The following LINGO1 variants were observed in gnomAD, a reference collection of about 807,000 sequenced individuals.
LINGO1 encodes leucine rich repeat and Ig domain containing 1, also known as leucine-rich repeat and immunoglobulin-like domain-containing nogo receptor-interacting protein 1.
In LINGO1, 11 loss-of-function variants were observed where a neutral mutation model predicts 37.3. The ratio of observed to expected loss-of-function variants is 0.29; its 90% CI spans 0.19 to 0.49. The LOEUF is 0.49. Among genes scored for constraint, LINGO1 ranks in the 20% least tolerant of loss-of-function variants. LINGO1 has a pLI of 0.99. For synonymous variants in LINGO1, 387 were observed against 403.0 expected (o/e 0.96, Z 0.48); for missense variants, 585 against 878.2 (o/e 0.67, Z 4.22).
At chr15:77,778,487 C>G (rs1283231586) in intron 1 of LINGO1, among the ~76,000 whole-genome samples, 3 of 152,212 alleles carry the variant, frequency 2.0e-5, no homozygotes, top group African/African-American at 4.8e-5. Flanking sequence ...TTCACATGAC[C>G]ACAGCTGAGT....
intron 1 of LINGO1, among the ~76,000 whole-genome samples, chr15:77,798,951 G>C (rs1488107631): frequency 2.6e-5 from 4 of 151,548 alleles, no homozygotes; most frequent in African/African-American, 9.7e-5. Flanking sequence ...GCCCTGGTAT[G>C]TGTGCTGTGT....
At chr15:77,741,090 G>T (rs1290978646) in intron 1 of LINGO1, among the ~76,000 whole-genome samples, 2 of 152,216 alleles carry the variant, frequency 1.3e-5, no homozygotes, top group Non-Finnish European at 2.9e-5. Flanking sequence ...GGAGCCTGGA[G>T]AAGCCCAAAC....
intron 1 of LINGO1, among the ~76,000 whole-genome samples, chr15:77,630,317 G>T (rs1359005869): frequency 6.6e-6 from 1 of 152,106 alleles, no homozygotes; most frequent in African/African-American, 2.4e-5. Flanking sequence ...TGCTTCTCCA[G>T]ATATCTGCGG....
chr15:77,702,022 G>A (rs570216481), intron 2 of LINGO1, among the ~76,000 whole-genome samples: 1 of 152,206 alleles, frequency 6.6e-6, no homozygotes, highest in Non-Finnish European at 1.5e-5. Context: ...GGCTAGTAGA[G>A]GGTGTCAGGG....
intron 3 of LINGO1, among the ~76,000 whole-genome samples, chr15:77,668,544 T>C (rs1318556384): frequency 6.6e-6 from 1 of 152,124 alleles, no homozygotes; most frequent in Non-Finnish European, 1.5e-5. Context: ...AGGGGCCCAG[T>C]TGAGAAGCCC....
chr15:77,788,918 G>A (rs2076796848), upstream of LINGO1, among the ~76,000 whole-genome samples: 1 of 152,296 alleles, frequency 6.6e-6, no homozygotes, highest in Non-Finnish European at 1.5e-5. Context: ...TACACACCAT[G>A]TACCATGTTC....
chr15:77,648,005 T>C, intron 3 of LINGO1: 1 of 447,494 alleles, frequency 2.2e-6, no homozygotes, highest in Non-Finnish European at 4.5e-6. Context: ...TCCCTCTCTC[T>C]GGGCTTTGTC....
At chr15:77,736,896 T>G (rs999132268) in intron 1 of LINGO1, among the ~76,000 whole-genome samples, 6 of 152,310 alleles carry the variant, frequency 3.9e-5, no homozygotes, top group African/African-American at 1.4e-4. Flanking sequence ...GAGCCAAAGT[T>G]TGGATCTGGG....
chr15:77,675,600 T>C (rs1282339533), intron 3 of LINGO1, among the ~76,000 whole-genome samples: 4 of 152,140 alleles, frequency 2.6e-5, no homozygotes, highest in Admixed American at 2.6e-4. Context: ...GAAGGGGACA[T>C]ATCAAACGAG....
chr15:77,728,053 C>T (rs2076120022), intron 2 of LINGO1, among the ~76,000 whole-genome samples: 1 of 152,214 alleles, frequency 6.6e-6, no homozygotes, highest in African/African-American at 2.4e-5. Flanking sequence ...GGAGTCCCCT[C>T]TTACCAGGCC....
chr15:77,770,519 G>A (rs772814397), intron 1 of LINGO1, among the ~76,000 whole-genome samples: 34 of 151,212 alleles, frequency 2.2e-4, no homozygotes, highest in African/African-American at 4.6e-4. Flanking sequence ...CCCAGGAGGT[G>A]GAGGTTGCAG....
intron 1 of LINGO1, among the ~76,000 whole-genome samples, chr15:77,736,614 A>C (rs568148559): frequency 6.6e-6 from 1 of 152,128 alleles, no homozygotes; most frequent in Non-Finnish European, 1.5e-5. Flanking sequence ...AAAATAAATT[A>C]ATTTAAAAAA....
chr15:77,641,683 C>T, intron 3 of LINGO1: 4 of 364,496 alleles, frequency 1.1e-5, no homozygotes, highest in East Asian at 7.3e-5. Context: ...ACTGGCCCCA[C>T]ACCCCGTCTC....
chr15:77,740,333 G>GA (rs368261613), intron 1 of LINGO1, among the ~76,000 whole-genome samples: 1 of 152,194 alleles, frequency 6.6e-6, no homozygotes, highest in African/African-American at 2.4e-5. Flanking sequence ...TCTGCCTGCA[G>GA]AAAAAGGCCA....
chr15:77,709,140 AT>A, intron 2 of LINGO1, among the ~76,000 whole-genome samples: 1 of 152,276 alleles, frequency 6.6e-6, no homozygotes, highest in South Asian at 2.1e-4. Flanking sequence ...AGTAATTTCT[AT>A]TGTTTTAAAC....
At chr15:77,741,941 GA>G (rs998493520) in intron 1 of LINGO1, among the ~76,000 whole-genome samples, 1 of 152,228 alleles carries the variant, frequency 6.6e-6, no homozygotes, top group African/African-American at 2.4e-5. Flanking sequence ...CAGATGGAGA[GA>G]AAGAGATGGG....
intron 2 of LINGO1, among the ~76,000 whole-genome samples, chr15:77,733,606 C>T (rs887466964): frequency 1.3e-5 from 2 of 152,134 alleles, no homozygotes; most frequent in Admixed American, 6.5e-5. Context: ...ACCTCGCGAC[C>T]GAGGCCTCAG....
chr15:77,795,304 C>T (rs911371313), intron 2 of LINGO1, among the ~76,000 whole-genome samples: 6 of 152,188 alleles, frequency 3.9e-5, no homozygotes, highest in African/African-American at 9.7e-5. Context: ...TCCCCTCACA[C>T]GGACCATGAA....
chr15:77,692,030 G>C (rs572161434), intron 1 of LINGO1, among the ~76,000 whole-genome samples: 73 of 152,192 alleles, frequency 4.8e-4, no homozygotes, highest in Non-Finnish European at 9.0e-4. Context: ...TGGGCAGAGT[G>C]GGGCTTGAAC....
Sources: gnomAD v4.1 joint callset for allele counts (sites outside exome capture counted in the v4.1 genomes callset) on GRCh38, gnomAD v4.1.1 for gene constraint, MANE v1.5 for transcripts, NCBI Gene and HGNC (gene_info 2026-07-23, HGNC 2026-07-21) for gene names.